The following PARD3 variants were observed in gnomAD, a reference collection of about 807,000 sequenced individuals.
The protein encoded by PARD3 is par-3 family cell polarity regulator, also known as partitioning defective 3 homolog.
In PARD3, 75 loss-of-function variants were observed where a neutral mutation model predicts 155.4. That is an observed-to-expected ratio of 0.48 (90% CI 0.40 to 0.58). PARD3 has a LOEUF of 0.58. PARD3 is among the 20% of genes least tolerant of loss of function. The pLI is 0.00. For synonymous variants in PARD3, 576 were observed against 610.5 expected, an observed-to-expected ratio of 0.94 and a Z score of 0.83; for missense variants, 1,642 against 1,721.7, an observed-to-expected ratio of 0.95 and a Z score of 0.82.
At chr10:34,612,681 G>C (rs1000927181) in intron 2 of PARD3, among the ~76,000 whole-genome samples, 1 of 152,214 alleles carries the variant, frequency 6.6e-6, no homozygotes, top group Non-Finnish European at 1.5e-5. Flanking sequence ...GAGGTTTTAT[G>C]AGCTAATGGC....
At position 34,336,964 on chromosome 10, in the gene PARD3, T is replaced by C. The variant is rs1836257243; in HGVS notation, c.2560+311A>G. 2.0e-5 allele frequency among the ~76,000 whole-genome samples: 3 copies of C among 150,716 alleles called. No individual in the cohort carries two copies. In the South Asian group the frequency reaches 6.3e-4, roughly 32 times the overall value. On this transcript the variant is annotated intron_variant, in intron 17 of 24. Transcript: ENST00000374788. ...CAATTTCAATGAAATTGGTTTTAAATAGCCAAAGTGTTAAAACATTTCATT... is the reference window on the plus strand; with the variant it reads ...CAATTTCAATGAAATTGGTTTTAAACAGCCAAAGTGTTAAAACATTTCATT...
chr10:34,127,755 C>A (rs1457492185), intron 23 of PARD3, among the ~76,000 whole-genome samples: 2 of 152,292 alleles, frequency 1.3e-5, no homozygotes, highest in East Asian at 3.9e-4. Flanking sequence ...TTAACTATTT[C>A]CATATTCAGC....
chr10:34,548,860 C>T (rs933774787), intron 2 of PARD3, among the ~76,000 whole-genome samples: 4 of 152,066 alleles, frequency 2.6e-5, no homozygotes, highest in Admixed American at 6.5e-5. Flanking sequence ...AATTCAATTC[C>T]TGTTCAGCAC....
chr10:34,251,892 T>G (rs932063896), intron 22 of PARD3, among the ~76,000 whole-genome samples: 15 of 152,140 alleles, frequency 9.9e-5, no homozygotes, highest in African/African-American at 3.6e-4. Context: ...GTTTATCCAT[T>G]CCTTAATTTA....
chr10:34,609,209 C>G (rs935952844), intron 2 of PARD3, among the ~76,000 whole-genome samples: 2 of 152,170 alleles, frequency 1.3e-5, no homozygotes, highest in Admixed American at 6.5e-5. Flanking sequence ...TCCCCAGGTA[C>G]ATTTTCAACT....
chr10:34,140,712 A>G (rs1424026514), intron 22 of PARD3, among the ~76,000 whole-genome samples: 3 of 152,240 alleles, frequency 2.0e-5, no homozygotes, highest in African/African-American at 7.2e-5. Flanking sequence ...AAGTTTTATC[A>G]GCAAGTATCT....
intron 22 of PARD3, among the ~76,000 whole-genome samples, chr10:34,180,878 CAG>C (rs1950238144): frequency 6.6e-6 from 1 of 151,890 alleles, no homozygotes. Context: ...CATGAGAAAA[CAG>C]AACTGCAAAC....
chr10:34,345,554 G>T (rs1408474622), intron 15 of PARD3: 11 of 985,166 alleles, frequency 1.1e-5, no homozygotes, highest in Non-Finnish European at 1.3e-5. Flanking sequence ...AACAGTCTGA[G>T]GAATATCTAT....
intron 1 of PARD3, among the ~76,000 whole-genome samples, chr10:34,779,451 A>T (rs1243629719): frequency 2.0e-5 from 3 of 151,952 alleles, no homozygotes; most frequent in Admixed American, 2.0e-4. Flanking sequence ...TCCACTAAAA[A>T]TAAAAAAAAA....
chr10:34,521,487 C>T (rs1170189574), intron 2 of PARD3, among the ~76,000 whole-genome samples: 1 of 151,850 alleles, frequency 6.6e-6, no homozygotes, highest in Non-Finnish European at 1.5e-5. Context: ...TACTCAAATT[C>T]TAATTTAACA....
chr10:34,468,318 C>G (rs74132018), intron 4 of PARD3, among the ~76,000 whole-genome samples: 8,575 of 152,210 alleles, frequency 0.056, 804 homozygotes, highest in African/African-American at 0.19. Context: ...GATAAAAACA[C>G]GTTCTGTTTG....
chr10:34,289,495 TTAATAA>T (rs76651141), intron 20 of PARD3, among the ~76,000 whole-genome samples: 8 of 151,056 alleles, frequency 5.3e-5, no homozygotes, highest in Non-Finnish European at 8.8e-5. Flanking sequence ...TGGCCAGATC[TTAATAA>T]TAATAATAAT....
Position 34,489,568 on chromosome 10 carries a change from A to G in PARD3, c.404-19305T>C, listed in dbSNP as rs572529042. Among the ~76,000 whole-genome samples, 167 of 152,318 alleles carry G rather than the reference A, an allele frequency of 1.1e-3. 2 individuals are homozygous for G. Among genetic ancestry groups the G allele is most frequent in the Middle Eastern group, 0.01 (3 of 294 alleles). On this transcript the variant is annotated intron_variant, in intron 3 of 24. Coordinates refer to ENST00000374788, the MANE Select transcript of PARD3 (RefSeq NM_001184785.2). Reference sequence around the variant, plus strand: ...CGATTAATAAAGCCATTTGGCACCAACTGGTTGCTCCAAGGCAGCAATAAG... The same window carrying G: ...CGATTAATAAAGCCATTTGGCACCAGCTGGTTGCTCCAAGGCAGCAATAAG...
intron 4 of PARD3, among the ~76,000 whole-genome samples, chr10:34,468,768 T>C (rs1230625947): frequency 1.3e-5 from 2 of 152,208 alleles, no homozygotes; most frequent in Non-Finnish European, 2.9e-5. Flanking sequence ...TGTACTTTTT[T>C]TGTCACTAGA....
intron 23 of PARD3, among the ~76,000 whole-genome samples, chr10:34,125,687 G>T (rs188596666): frequency 6.6e-6 from 1 of 152,286 alleles, no homozygotes; most frequent in East Asian, 1.9e-4. Flanking sequence ...GGGAGAAAAG[G>T]ACAGATTTTG....
At chr10:34,477,003 C>T (rs1016460834) in intron 3 of PARD3, among the ~76,000 whole-genome samples, 1 of 152,202 alleles carries the variant, frequency 6.6e-6, no homozygotes, top group Non-Finnish European at 1.5e-5. Context: ...CTCTAACTGT[C>T]CTGACTAATA....
intron 2 of PARD3, among the ~76,000 whole-genome samples, chr10:34,692,361 G>A (rs2094081437): frequency 6.6e-6 from 1 of 152,014 alleles, no homozygotes; most frequent in South Asian, 2.1e-4. Context: ...ACTTCATGAT[G>A]AAGACAGCAA....
At chr10:34,614,444 T>C (rs2091117587) in intron 2 of PARD3, among the ~76,000 whole-genome samples, 1 of 152,350 alleles carries the variant, frequency 6.6e-6, no homozygotes, top group African/African-American at 2.4e-5. Context: ...AAGTGTCCTA[T>C]TCTAGGGTAA....
intron 2 of PARD3, among the ~76,000 whole-genome samples, chr10:34,695,545 C>T (rs1200520080): frequency 1.3e-5 from 2 of 151,588 alleles, no homozygotes; most frequent in African/African-American, 4.8e-5. Context: ...CACGCATTCT[C>T]AAAACGCTGA....
Sources: gnomAD v4.1 joint callset for allele counts (sites outside exome capture counted in the v4.1 genomes callset) on GRCh38, gnomAD v4.1.1 for gene constraint, MANE v1.5 for transcripts, NCBI Gene and HGNC (gene_info 2026-07-23, HGNC 2026-07-21) for gene names.